MALRD1: variants seen among roughly 807,000 people sequenced by gnomAD.
The protein encoded by MALRD1 is MAM and LDL receptor class A domain containing 1, also known as MAM and LDL-receptor class A domain-containing protein 1.
MALRD1 carries 247 observed loss-of-function variants against 242.1 expected under a neutral mutation model. The observed-to-expected ratio is 1.02, with a 90% CI of 0.92 to 1.13. The LOEUF is 1.13. Among genes scored for constraint, MALRD1 ranks in the 50% most tolerant of loss-of-function variants. The probability of loss-of-function intolerance (pLI) is 0.00; values close to 1 mark genes in which losing one functional copy is unlikely to be tolerated. For synonymous variants in MALRD1, 995 were observed against 866.6 expected (o/e 1.15, Z -2.60); for missense variants, 2,989 against 2,533.1 (o/e 1.18, Z -3.86).
intron 26 of MALRD1, among the ~76,000 whole-genome samples, chr10:19,363,465 G>A (rs151263111): frequency 1.3e-5 from 2 of 152,188 alleles, no homozygotes; most frequent in East Asian, 3.9e-4. Context: ...ACAAAATGAG[G>A]TCTGAAACTG....
In MALRD1 at chr10:19,389,583, A is replaced by G; in HGVS notation, c.4819A>G (p.Thr1607Ala). 1 of 1,550,484 alleles carries G rather than the reference A, an allele frequency of 6.4e-7. No homozygotes were observed. Among genetic ancestry groups the G allele is most frequent in the Non-Finnish European group, 8.7e-7 (1 of 1,146,896 alleles). The change falls in exon 28 of 40, where the codon ACA (threonine) becomes GCA (alanine). Residue 1607 changes from threonine (T) to alanine (A), a missense_variant. By Grantham distance (58) the Thr-to-Ala change is moderately conservative. Coordinates refer to ENST00000454679, the MANE Select transcript of MALRD1 (RefSeq NM_001142308.3). Reference sequence around the variant, plus strand: ...CTGGTATTTCGTATCTGCAAAGGCCACAGGATCCATTCAGATTCTCATCAA... The same window carrying G: ...CTGGTATTTCGTATCTGCAAAGGCCGCAGGATCCATTCAGATTCTCATCAA... Reference protein sequence around the residue: ...SFWYFVSAKATGSIQILIKTE... With the variant: ...SFWYFVSAKAAGSIQILIKTE...
chr10:19,065,495 G>A (rs1476058936), intron 1 of MALRD1, among the ~76,000 whole-genome samples: 3 of 152,028 alleles, frequency 2.0e-5, no homozygotes, highest in Non-Finnish European at 2.9e-5. Context: ...GGTTTCTGCC[G>A]GCTTCTTCAC....
chr10:19,485,695 T>C (rs1222885914), intron 29 of MALRD1, among the ~76,000 whole-genome samples: 2 of 151,836 alleles, frequency 1.3e-5, no homozygotes, highest in Non-Finnish European at 2.9e-5. Flanking sequence ...TGTAGCTTTT[T>C]AAAAAAGCAA....
chr10:19,501,774 G>A (rs965551478), intron 31 of MALRD1, among the ~76,000 whole-genome samples: 2 of 152,116 alleles, frequency 1.3e-5, no homozygotes, highest in Admixed American at 6.5e-5. Context: ...GCTCATGCCT[G>A]TAATCCCAGC....
intron 26 of MALRD1, among the ~76,000 whole-genome samples, chr10:19,384,251 ATATG>A (rs1845960420): frequency 1.4e-5 from 2 of 141,916 alleles, no homozygotes; most frequent in East Asian, 4.0e-4. Flanking sequence ...GTTTATATAT[ATATG>A]TTAAAAAACA....
chr10:19,427,949 C>G (rs150492843), intron 28 of MALRD1, among the ~76,000 whole-genome samples: 1 of 152,110 alleles, frequency 6.6e-6, no homozygotes, highest in Non-Finnish European at 1.5e-5. Context: ...ACTGTATACA[C>G]ATGAGTGCAG....
intron 26 of MALRD1, among the ~76,000 whole-genome samples, chr10:19,360,103 C>T (rs1844825914): frequency 6.6e-6 from 1 of 151,986 alleles, no homozygotes; most frequent in Non-Finnish European, 1.5e-5. Flanking sequence ...GGGAAATTGC[C>T]TCTAGGATCT....
chr10:19,351,878 A>G (rs1453921197), intron 25 of MALRD1, 128 bp from the exon 26 acceptor site: 10 of 875,260 alleles, frequency 1.1e-5, no homozygotes, highest in Non-Finnish European at 1.7e-5. Flanking sequence ...AGAGCAAGAG[A>G]ATAAACAGGT....
chr10:19,233,753 G>A (rs1039074940), intron 18 of MALRD1, among the ~76,000 whole-genome samples: 1 of 151,986 alleles, frequency 6.6e-6, no homozygotes, highest in Admixed American at 6.6e-5. Flanking sequence ...AATAACATTA[G>A]TGCTAATTTG....
At chr10:19,568,702 A>G (rs1836367932) in intron 33 of MALRD1, among the ~76,000 whole-genome samples, 2 of 150,980 alleles carry the variant, frequency 1.3e-5, no homozygotes, top group African/African-American at 2.4e-5. Context: ...TATATATTCT[A>G]GATCATCAAG....
chr10:19,122,868 G>A (rs1324662899), intron 5 of MALRD1, among the ~76,000 whole-genome samples: 1 of 152,090 alleles, frequency 6.6e-6, no homozygotes, highest in Non-Finnish European at 1.5e-5. Context: ...TGGGATTATG[G>A]ATGCCTGCCA....
At chr10:19,626,193 A>G (rs1226466786) in intron 36 of MALRD1, among the ~76,000 whole-genome samples, 1 of 152,102 alleles carries the variant, frequency 6.6e-6, no homozygotes, top group Admixed American at 6.6e-5. Flanking sequence ...ACGTTGGTGG[A>G]CATAGGAGAA....
intron 36 of MALRD1, among the ~76,000 whole-genome samples, chr10:19,672,292 A>G (rs1841957364): frequency 6.6e-6 from 1 of 151,656 alleles, no homozygotes; most frequent in South Asian, 2.1e-4. Context: ...ATAATATTAT[A>G]TTACTACCAG....
intron 2 of MALRD1, among the ~76,000 whole-genome samples, chr10:19,079,899 G>A (rs142483074): frequency 1.2e-3 from 177 of 152,084 alleles, no homozygotes; most frequent in Middle Eastern, 0.01. Context: ...AGCTCCTTAA[G>A]CTGATAAGCA....
At chr10:19,545,102 T>G (rs1018953371) in intron 32 of MALRD1, among the ~76,000 whole-genome samples, 2 of 152,154 alleles carry the variant, frequency 1.3e-5, no homozygotes, top group Admixed American at 6.5e-5. Flanking sequence ...CCTTGACTGG[T>G]CACTGGTCAC....
At chr10:19,204,769 T>G in intron 16 of MALRD1, 129 bp from the exon 17 acceptor site, 1 of 989,446 alleles carries the variant, frequency 1.0e-6, no homozygotes, top group South Asian at 1.8e-5. Flanking sequence ...GCCACAGTTA[T>G]TGCGGGAAAG....
At chr10:19,148,788 A>AATATATATATATAT (rs767384867) in intron 11 of MALRD1, among the ~76,000 whole-genome samples, 5 of 88,016 alleles carry the variant, frequency 5.7e-5, no homozygotes, top group South Asian at 3.6e-4. Flanking sequence ...AAAAAAAAAA[A>AATATATATATATAT]ATATATATAT....
chr10:19,078,113 A>AT (rs961075209), intron 2 of MALRD1, among the ~76,000 whole-genome samples: 17 of 151,102 alleles, frequency 1.1e-4, no homozygotes, highest in Non-Finnish European at 2.2e-4. Flanking sequence ...TAGGATTTAA[A>AT]TTTTTTTTAT....
chr10:19,335,389 T>A (rs971140872), intron 24 of MALRD1, among the ~76,000 whole-genome samples: 3 of 152,112 alleles, frequency 2.0e-5, no homozygotes, highest in Admixed American at 2.0e-4. Flanking sequence ...ATAGCATTGC[T>A]AATTTTTTTT....
Sources: gnomAD v4.1 joint callset for allele counts (sites outside exome capture counted in the v4.1 genomes callset) on GRCh38, gnomAD v4.1.1 for gene constraint, MANE v1.5 for transcripts, NCBI Gene and HGNC (gene_info 2026-07-23, HGNC 2026-07-21) for gene names.